Variants in NEGR1 observed in about 807,000 individuals in gnomAD.
NEGR1 encodes IgLON family member 4.
NEGR1 carries 10 observed loss-of-function variants against 40.9 expected under a neutral mutation model. The observed-to-expected ratio is 0.24, with a 90% CI of 0.15 to 0.42. NEGR1 has a LOEUF of 0.42. Ranked by LOEUF, NEGR1 falls within the 10% of genes least tolerant of loss-of-function variation. The pLI is 1.00. For missense variants in NEGR1, 352 were observed against 438.9 expected, an observed-to-expected ratio of 0.80 and a Z score of 1.77; for synonymous variants, 185 against 166.8, an observed-to-expected ratio of 1.11 and a Z score of -0.84.
chr1:71,937,098 A>G (rs565010004), intron 1 of NEGR1, among the ~76,000 whole-genome samples: 26 of 152,298 alleles, frequency 1.7e-4, no homozygotes, highest in African/African-American at 6.3e-4. Flanking sequence ...ACTGTATGAA[A>G]CTAATCAGTG....
chr1:72,264,476 A>G (rs1318411156), intron 1 of NEGR1, among the ~76,000 whole-genome samples: 1 of 151,018 alleles, frequency 6.6e-6, no homozygotes, highest in Non-Finnish European at 1.5e-5. Flanking sequence ...GGGATTATTT[A>G]GTCGCATTAA....
chr1:72,251,796 T>A (rs1655101136), intron 1 of NEGR1, among the ~76,000 whole-genome samples: 1 of 152,140 alleles, frequency 6.6e-6, no homozygotes, highest in Non-Finnish European at 1.5e-5. Flanking sequence ...TTTGATTTCA[T>A]TATACCTTTA....
chr1:71,942,455 CTA>C (rs1158006683), intron 1 of NEGR1, among the ~76,000 whole-genome samples: 276 of 21,274 alleles, frequency 0.013, 9 homozygotes, highest in Non-Finnish European at 0.015. Flanking sequence ...TTCTTTAAAT[CTA>C]TATATATATA....
intron 2 of NEGR1, among the ~76,000 whole-genome samples, chr1:71,927,096 T>G (rs889355048): frequency 2.0e-5 from 3 of 152,148 alleles, no homozygotes; most frequent in Non-Finnish European, 4.4e-5. Context: ...TTATAAATCA[T>G]AGTAGCTAAA....
intron 1 of NEGR1, among the ~76,000 whole-genome samples, chr1:72,060,275 T>C (rs775517762): frequency 6.6e-6 from 1 of 151,672 alleles, no homozygotes; most frequent in East Asian, 1.9e-4. Context: ...TACAGATTAT[T>C]CATTTAAGAA....
intron 6 of NEGR1, among the ~76,000 whole-genome samples, chr1:71,575,227 G>A (rs1443826178): frequency 6.6e-6 from 1 of 152,144 alleles, no homozygotes; most frequent in African/African-American, 2.4e-5. Context: ...TTGCAACATT[G>A]AAAAAGTCAG....
At chr1:71,991,480 G>A (rs1373046865) in intron 1 of NEGR1, among the ~76,000 whole-genome samples, 6 of 152,088 alleles carry the variant, frequency 3.9e-5, no homozygotes, top group Non-Finnish European at 8.8e-5. Flanking sequence ...TTTGGCTAAT[G>A]CTGTACCTGG....
At chr1:72,062,862 C>A (rs1647200580) in intron 1 of NEGR1, among the ~76,000 whole-genome samples, 1 of 151,808 alleles carries the variant, frequency 6.6e-6, no homozygotes, top group Non-Finnish European at 1.5e-5. Context: ...GCATTATTAA[C>A]CAATTAAGAA....
intron 1 of NEGR1, among the ~76,000 whole-genome samples, chr1:72,241,790 A>C (rs1459814653): frequency 6.6e-6 from 1 of 151,628 alleles, no homozygotes; most frequent in Non-Finnish European, 1.5e-5. Flanking sequence ...TTCATCATAA[A>C]CTGGAAAAAA....
At chr1:72,219,203 T>C (rs1439880385) in intron 1 of NEGR1, among the ~76,000 whole-genome samples, 1 of 152,058 alleles carries the variant, frequency 6.6e-6, no homozygotes, top group African/African-American at 2.4e-5. Context: ...TAACAAGCAT[T>C]GCTGGCTATA....
chr1:71,948,868 G>C (rs1239581045), intron 1 of NEGR1, among the ~76,000 whole-genome samples: 3 of 152,024 alleles, frequency 2.0e-5, no homozygotes, highest in African/African-American at 7.2e-5. Context: ...TTACTAGATT[G>C]CTGCATATTT....
chr1:72,133,642 T>C (rs1650339504), intron 1 of NEGR1, among the ~76,000 whole-genome samples: 1 of 151,822 alleles, frequency 6.6e-6, no homozygotes, highest in Non-Finnish European at 1.5e-5. Context: ...AGTCAACTTT[T>C]TATAAGGCAA....
chr1:71,709,005 G>T (rs1266048778), intron 3 of NEGR1, among the ~76,000 whole-genome samples: 3 of 152,150 alleles, frequency 2.0e-5, no homozygotes, highest in African/African-American at 4.8e-5. Context: ...TGGACATTTA[G>T]GTTGATTCCA....
intron 1 of NEGR1, among the ~76,000 whole-genome samples, chr1:72,070,915 G>T (rs999310555): frequency 1.3e-5 from 2 of 151,908 alleles, no homozygotes; most frequent in African/African-American, 4.8e-5. Context: ...CCTTTAGAAT[G>T]TTTTTTTCAT....
chr1:71,840,214 T>C (rs1053960605), intron 2 of NEGR1, among the ~76,000 whole-genome samples: 6 of 152,076 alleles, frequency 3.9e-5, no homozygotes, highest in African/African-American at 9.7e-5. Flanking sequence ...AAAACATCTG[T>C]AGGATTATGA....
chr1:71,915,852 T>C (rs747329749), intron 2 of NEGR1, among the ~76,000 whole-genome samples: 98 of 152,224 alleles, frequency 6.4e-4, no homozygotes, highest in Admixed American at 1.9e-3. Flanking sequence ...CTTGCCCTCA[T>C]GTGGTTTACC....
chr1:71,751,428 T>C (rs1655566719), intron 3 of NEGR1, among the ~76,000 whole-genome samples: 1 of 152,196 alleles, frequency 6.6e-6, no homozygotes, highest in Admixed American at 6.5e-5. Context: ...TAAGGGCATT[T>C]AAGAGGCTCT....
intron 4 of NEGR1, among the ~76,000 whole-genome samples, chr1:71,624,934 C>G (rs1008558190): frequency 3.3e-5 from 5 of 151,970 alleles, no homozygotes; most frequent in Non-Finnish European, 7.4e-5. Context: ...CACAAGGGAA[C>G]AGTCTTTGTG....
chr1:72,060,875 T>A (rs1259458720), intron 1 of NEGR1, among the ~76,000 whole-genome samples: 1 of 147,150 alleles, frequency 6.8e-6, no homozygotes, highest in African/African-American at 2.7e-5. Flanking sequence ...GATAGGTAGT[T>A]TTTTTAGAGG....
Sources: gnomAD v4.1 joint callset for allele counts (sites outside exome capture counted in the v4.1 genomes callset) on GRCh38, gnomAD v4.1.1 for gene constraint, MANE v1.5 for transcripts, NCBI Gene and HGNC (gene_info 2026-07-23, HGNC 2026-07-21) for gene names.